The following CELSR1 variants were observed in gnomAD, a reference collection of about 807,000 sequenced individuals.
The protein encoded by CELSR1 is adhesion G protein-coupled receptor C1.
Under a neutral mutation model 249.1 loss-of-function variants are expected in CELSR1, and 110 were observed. That is an observed-to-expected ratio of 0.44 (90% CI 0.38 to 0.52). The LOEUF (loss-of-function observed/expected upper bound fraction) is 0.52. Among genes scored for constraint, CELSR1 ranks in the 20% least tolerant of loss-of-function variants. CELSR1 has a pLI of 0.00. For missense variants in CELSR1, 4,109 were observed against 4,296.4 expected, an observed-to-expected ratio of 0.96 and a Z score of 1.22; for synonymous variants, 2,113 against 1,900.0, an observed-to-expected ratio of 1.11 and a Z score of -2.92.
chr22:46,510,348 G>A (rs575888341), intron 1 of CELSR1, among the ~76,000 whole-genome samples: 18 of 152,006 alleles, frequency 1.2e-4, no homozygotes, highest in Non-Finnish European at 2.5e-4. Flanking sequence ...CCCCCTTTCC[G>A]AGCCACGGAG....
chr22:46,420,223 T>C (rs2079451721), intron 5 of CELSR1, among the ~76,000 whole-genome samples: 1 of 148,248 alleles, frequency 6.7e-6, no homozygotes, highest in Admixed American at 6.7e-5. Context: ...CATACCCACA[T>C]TCACACCCAC....
intron 1 of CELSR1, chr22:46,481,553 C>T: frequency 3.5e-6 from 4 of 1,159,150 alleles, no homozygotes; most frequent in East Asian, 2.4e-5. Flanking sequence ...AAAGCCTGGG[C>T]TTAAGCCAGA....
At chr22:46,372,346 C>T (rs1167910910) in intron 25 of CELSR1, among the ~76,000 whole-genome samples, 4 of 145,354 alleles carry the variant, frequency 2.8e-5, no homozygotes, top group Non-Finnish European at 6.1e-5. Context: ...TCTATCCATC[C>T]ACTCGCTCCC....
intron 5 of CELSR1, among the ~76,000 whole-genome samples, chr22:46,418,964 C>G (rs1276032263): frequency 1.3e-5 from 2 of 152,188 alleles, no homozygotes; most frequent in Non-Finnish European, 2.9e-5. Flanking sequence ...CCTGGGCATG[C>G]GTGTTCAGCA....
rs1015174004 is a variant in CELSR1 at position 46,408,400 on chromosome 22, C to T, written c.5226+596G>A. On this transcript the variant is annotated intron_variant, in intron 9 of 34. Coordinates refer to ENST00000674500, the MANE Select transcript of CELSR1 (RefSeq NM_001378328.1). This position sits in a 1 kb window ranked among gnomAD's most constrained non-coding sequence, Gnocchi z 4.6. ...AGACTGGAGTGTGGTGACACGTTCT[C>T]GGGTCACTGCAACCTCCGCCTTCCA... Among the ~76,000 whole-genome samples the T allele has an allele frequency of 7.2e-5, 11 of 152,154 alleles. No homozygotes were observed. Among genetic ancestry groups the T allele is most frequent in the African/African-American group, 2.4e-4 (10 of 41,436 alleles).
At chr22:46,478,970 G>A (rs1264791409) in intron 1 of CELSR1, among the ~76,000 whole-genome samples, 6 of 151,902 alleles carry the variant, frequency 3.9e-5, no homozygotes, top group African/African-American at 2.4e-5. Flanking sequence ...AGTCAGGAAC[G>A]ACCAGGGCCA....
rs774931812 is a variant in CELSR1 at position 46,409,716 on chromosome 22, C to T, written c.5059+39G>A. Reference sequence around the variant, plus strand: ...ACATCAAGGAGCAATGCCTCCCAGGCCGCCGTGACCGGGGGGATGGACGAC... The same window carrying T: ...ACATCAAGGAGCAATGCCTCCCAGGTCGCCGTGACCGGGGGGATGGACGAC... On this transcript the variant is annotated intron_variant, in intron 8 of 34. Transcript: ENST00000674500. This position sits in a 1 kb window ranked among gnomAD's most constrained non-coding sequence, Gnocchi z 9.8. The T allele has an allele frequency of 1.0e-5, 16 of 1,607,680 alleles. 1 individual carries two copies. The highest frequency in any genetic ancestry group is 9.9e-5 in the South Asian group (9 of 91,050).
Position 46,396,092 on chromosome 22 carries a change from G to T in CELSR1, c.5843+513C>A, listed in dbSNP as rs1228718277. On this transcript the variant is annotated intron_variant, in intron 13 of 34. Transcript: ENST00000674500. The surrounding 1 kb of genome is among the most constrained non-coding windows in gnomAD (Gnocchi z 6.4). ...CAGGTGTGGACACATGATCCAATGG[G>T]GTTAGTTTGAGACGTCCAAATTGAT... Among the ~76,000 whole-genome samples the T allele has an allele frequency of 1.3e-5, 2 of 152,140 alleles. No homozygotes were observed. The highest frequency in any genetic ancestry group is 4.8e-5 in the African/African-American group (2 of 41,412).
intron 22 of CELSR1, among the ~76,000 whole-genome samples, chr22:46,379,668 G>A (rs1408505546): frequency 6.6e-6 from 1 of 152,228 alleles, no homozygotes; most frequent in East Asian, 1.9e-4. Context: ...ATGAGGCTGG[G>A]CTAACCGGGC....
In CELSR1 at chr22:46,537,611, C is replaced by T. The variant is rs2080873426; in HGVS notation, c.-441G>A. ...CCCCGGCGGCCGGCTGCTGCCTGGG[C>T]GGTGCGCTTGGCCCGCGCCCACTCC... On this transcript the variant is annotated 5_prime_UTR_variant, in exon 1 of 35. Coordinates refer to ENST00000674500, the MANE Select transcript of CELSR1 (RefSeq NM_001378328.1). The surrounding 1 kb of genome is among the most constrained non-coding windows in gnomAD (Gnocchi z 5.8). 6.8e-6 allele frequency among the ~76,000 whole-genome samples: 1 copy of T among 147,914 alleles called. No individual in the cohort carries two copies. Among genetic ancestry groups the T allele is most frequent in the Admixed American group, 6.7e-5 (1 of 14,904 alleles).
intron 4 of CELSR1, among the ~76,000 whole-genome samples, chr22:46,435,867 A>G (rs975964038): frequency 6.6e-6 from 1 of 151,634 alleles, no homozygotes; most frequent in Non-Finnish European, 1.5e-5. Flanking sequence ...CGCCCAGCTA[A>G]TTTTTGTACT....
rs2080748400 is a variant in CELSR1, at chr22:46,527,360, A to T, written c.3544+6267T>A. Among the ~76,000 whole-genome samples, 1 of 152,024 alleles carries T rather than the reference A, an allele frequency of 6.6e-6. No homozygotes were observed. Among genetic ancestry groups the T allele is most frequent in the Non-Finnish European group, 1.5e-5 (1 of 67,980 alleles). ...GGACATGGGACCCAGCTCTTGCCTA[A>T]ATCCTCCCGAGGGGGCCCACCAAAC... On this transcript the variant is annotated intron_variant, in intron 1 of 34. Coordinates refer to ENST00000674500, the MANE Select transcript of CELSR1 (RefSeq NM_001378328.1). The surrounding 1 kb of genome is among the most constrained non-coding windows in gnomAD (Gnocchi z 5.5).
intron 2 of CELSR1, among the ~76,000 whole-genome samples, chr22:46,457,346 G>A (rs1555921941): frequency 2.6e-5 from 4 of 151,870 alleles, no homozygotes; most frequent in African/African-American, 7.3e-5. Context: ...CTCATCTCGG[G>A]GGCGGGGAAA....
rs1303493983 is a variant in CELSR1 at position 46,433,481 on chromosome 22, C to A, written c.4523G>T (p.Gly1508Val). ...DEQVQLTFSA[G>V]ETTTTVAPKV... is the part of the protein sequence containing the mutation. Reference sequence around the variant, plus strand: ...CGGTGCCACGGTCGTTGTTGTCTCGCCTGCATGGTGGGAGGGAGACCCAGA... The same window carrying A: ...CGGTGCCACGGTCGTTGTTGTCTCGACTGCATGGTGGGAGGGAGACCCAGA... The change falls in exon 5 of 35, where the codon GGC becomes GTC. Residue 1508 changes from glycine to valine, a missense_variant and splice_region_variant. By Grantham distance (109) the Gly-to-Val change is moderately radical. Coordinates refer to ENST00000674500, the MANE Select transcript of CELSR1 (RefSeq NM_001378328.1). This position sits in a 1 kb window ranked among gnomAD's most constrained non-coding sequence, Gnocchi z 5.7. 3.7e-6 allele frequency: 6 copies of A among 1,613,364 alleles called. No individual in the cohort carries two copies. Among genetic ancestry groups the A allele is most frequent in the Non-Finnish European group, 3.4e-6 (4 of 1,179,678 alleles).
intron 27 of CELSR1, among the ~76,000 whole-genome samples, chr22:46,368,740 T>C (rs1180196994): frequency 6.6e-6 from 1 of 151,660 alleles, no homozygotes; most frequent in East Asian, 1.9e-4. Context: ...ACACTGGAGG[T>C]TCCCTCTGTG....
intron 1 of CELSR1, among the ~76,000 whole-genome samples, chr22:46,476,008 G>A (rs918063282): frequency 2.6e-5 from 4 of 152,146 alleles, no homozygotes; most frequent in Non-Finnish European, 4.4e-5. Flanking sequence ...CCAGCCTAAA[G>A]AAGTTGTGGG....
chr22:46,474,012 G>A (rs868298511), intron 1 of CELSR1, among the ~76,000 whole-genome samples: 2 of 152,154 alleles, frequency 1.3e-5, no homozygotes, highest in Non-Finnish European at 2.9e-5. Context: ...ATGTCAGGAT[G>A]TCAAGCCACG....
In CELSR1 at chr22:46,391,503, T is replaced by C. The variant is rs1288005204; in HGVS notation, c.6148+130A>G. On this transcript the variant is annotated intron_variant, in intron 15 of 34. Transcript: ENST00000674500. This position sits in a 1 kb window ranked among gnomAD's most constrained non-coding sequence, Gnocchi z 4.3. Reference sequence around the variant, plus strand: ...CACGCAGAACCAGGTTTCTAGAAGGTCAAGAGAACTCAGAACACGAGGGAG... The same window carrying C: ...CACGCAGAACCAGGTTTCTAGAAGGCCAAGAGAACTCAGAACACGAGGGAG... The C allele has an allele frequency of 1.7e-6, 2 of 1,152,546 alleles. No homozygotes were observed. Among genetic ancestry groups the C allele is most frequent in the South Asian group, 3.2e-5 (2 of 61,552 alleles). 71.4% of individuals were successfully genotyped at this position (1,152,546 alleles called of 1,614,324 possible). A position where few individuals can be genotyped will look rare whatever the true frequency, so the allele number is the denominator to read the frequency against.
chr22:46,442,235 G>A lies in CELSR1; in HGVS notation c.4184-2824C>T, dbSNP rs187462624. Among the ~76,000 whole-genome samples, 11 of 152,372 alleles carry A rather than the reference G, an allele frequency of 7.2e-5. 1 individual carries two copies. Among genetic ancestry groups the A allele is most frequent in the Admixed American group, 5.2e-4 (8 of 15,308 alleles). On this transcript the variant is annotated intron_variant, in intron 2 of 34. Coordinates refer to ENST00000674500, the MANE Select transcript of CELSR1 (RefSeq NM_001378328.1). Reference sequence around the variant, plus strand: ...CCCCACCCTTCCCCTCCAGGACGGGGCTCTGGGGTGTGGGTTGCTGATGGC... The same window carrying A: ...CCCCACCCTTCCCCTCCAGGACGGGACTCTGGGGTGTGGGTTGCTGATGGC...
Sources: gnomAD v4.1 joint callset for allele counts (sites outside exome capture counted in the v4.1 genomes callset) on GRCh38, gnomAD v4.1.1 for gene constraint, Gnocchi (gnomAD v3.1) non-coding constraint, MANE v1.5 for transcripts, NCBI Gene and HGNC (gene_info 2026-07-23, HGNC 2026-07-21) for gene names.